LDB2: variants seen among roughly 807,000 people sequenced by gnomAD.
The protein encoded by LDB2 is LIM domain binding 2, also known as LIM domain-binding protein 2.
A neutral mutation model predicts 44.3 loss-of-function variants in LDB2; 12 were observed. The ratio of observed to expected loss-of-function variants is 0.27; its 90% CI spans 0.17 to 0.44. The LOEUF (loss-of-function observed/expected upper bound fraction) is 0.44, where lower values mean the gene tolerates loss of function less well. LDB2 is among the 20% of genes least tolerant of loss of function. LDB2 has a pLI of 1.00. For synonymous variants in LDB2, 164 were observed against 174.8 expected, an observed-to-expected ratio of 0.94 and a Z score of 0.49; for missense variants, 344 against 473.5, an observed-to-expected ratio of 0.73 and a Z score of 2.54.
chr4:16,638,328 T>C (rs967782096), intron 2 of LDB2, among the ~76,000 whole-genome samples: 1 of 152,212 alleles, frequency 6.6e-6, no homozygotes, highest in Non-Finnish European at 1.5e-5. Flanking sequence ...CTGTAACTGA[T>C]GCATGTTTCT....
At chr4:16,723,358 G>A (rs973555406) in intron 2 of LDB2, among the ~76,000 whole-genome samples, 4 of 152,154 alleles carry the variant, frequency 2.6e-5, no homozygotes, top group Non-Finnish European at 4.4e-5. Context: ...AGAGGGACAG[G>A]AGAGCAAGTG....
intron 2 of LDB2, among the ~76,000 whole-genome samples, chr4:16,700,956 G>A (rs908846981): frequency 6.6e-6 from 1 of 152,142 alleles, no homozygotes; most frequent in Non-Finnish European, 1.5e-5. Flanking sequence ...CATTGAGTGT[G>A]TGTTTTACAT....
At chr4:16,822,104 G>A (rs1027479679) in intron 1 of LDB2, among the ~76,000 whole-genome samples, 2 of 128,720 alleles carry the variant, frequency 1.6e-5, no homozygotes, top group African/African-American at 5.5e-5. Context: ...AGGCTTACTA[G>A]GATTGTTAAA....
At chr4:16,822,286 A>T (rs1223639020) in intron 1 of LDB2, among the ~76,000 whole-genome samples, 1 of 152,158 alleles carries the variant, frequency 6.6e-6, no homozygotes, top group Non-Finnish European at 1.5e-5. Flanking sequence ...ACCATTGGTT[A>T]AAGCAGAGAT....
chr4:16,804,712 T>G (rs930483555), intron 1 of LDB2, among the ~76,000 whole-genome samples: 3 of 152,194 alleles, frequency 2.0e-5, no homozygotes, highest in Non-Finnish European at 4.4e-5. Context: ...CTACTCAGCT[T>G]GAGGCAACTG....
At chr4:16,748,215 G>T (rs1001412992) in intron 2 of LDB2, among the ~76,000 whole-genome samples, 2 of 152,080 alleles carry the variant, frequency 1.3e-5, no homozygotes, top group Non-Finnish European at 2.9e-5. Context: ...AAGTTCTCCT[G>T]ACTTGTTGAA....
At chr4:16,620,794 A>G (rs1325193752) in intron 2 of LDB2, among the ~76,000 whole-genome samples, 1 of 152,222 alleles carries the variant, frequency 6.6e-6, no homozygotes, top group East Asian at 1.9e-4. Flanking sequence ...AGTGCTGGTG[A>G]CTGGGTGGGT....
chr4:16,551,426 T>C (rs1209810297), intron 5 of LDB2, among the ~76,000 whole-genome samples: 1 of 152,240 alleles, frequency 6.6e-6, no homozygotes, highest in East Asian at 1.9e-4. Context: ...TAAATTTCTT[T>C]AGTATGTAAC....
chr4:16,530,878 T>C (rs1422368876), intron 5 of LDB2, among the ~76,000 whole-genome samples: 1 of 152,234 alleles, frequency 6.6e-6, no homozygotes, highest in African/African-American at 2.4e-5. Flanking sequence ...TGGGTAATTT[T>C]ATCCTCATTT....
chr4:16,788,248 C>T (rs1224745255), intron 1 of LDB2, among the ~76,000 whole-genome samples: 1 of 152,234 alleles, frequency 6.6e-6, no homozygotes, highest in East Asian at 1.9e-4. Flanking sequence ...AGCCTCCGCT[C>T]TCCACAGGGC....
At chr4:16,736,200 A>T (rs971819853) in intron 2 of LDB2, among the ~76,000 whole-genome samples, 1 of 152,178 alleles carries the variant, frequency 6.6e-6, no homozygotes, top group African/African-American at 2.4e-5. Context: ...GATCACAGGC[A>T]CATGTACCCT....
chr4:16,567,938 T>G (rs1468606237), intron 5 of LDB2, among the ~76,000 whole-genome samples: 27 of 152,346 alleles, frequency 1.8e-4, no homozygotes, highest in Admixed American at 1.8e-3. Context: ...AATAAATGGC[T>G]GTTATATTCA....
At chr4:16,547,851 G>T (rs527300605) in intron 5 of LDB2, among the ~76,000 whole-genome samples, 2 of 152,126 alleles carry the variant, frequency 1.3e-5, no homozygotes, top group East Asian at 3.9e-4. Flanking sequence ...CTCACAAAGG[G>T]CTGAGAATAC....
chr4:16,571,084 G>A (rs1746369365), intron 5 of LDB2, among the ~76,000 whole-genome samples: 1 of 152,190 alleles, frequency 6.6e-6, no homozygotes, highest in Admixed American at 6.5e-5. Context: ...GAGCACTGGA[G>A]CTTCAAGGAG....
At chr4:16,837,795 A>T (rs937243754) in intron 1 of LDB2, among the ~76,000 whole-genome samples, 1 of 152,242 alleles carries the variant, frequency 6.6e-6, no homozygotes, top group Non-Finnish European at 1.5e-5. Flanking sequence ...CAGTACTACA[A>T]ACAAATAAAA....
chr4:16,871,769 CA>C (rs1716688293), intron 1 of LDB2, among the ~76,000 whole-genome samples: 1 of 125,882 alleles, frequency 7.9e-6, no homozygotes, highest in Non-Finnish European at 1.5e-5. Flanking sequence ...CACAGGCGCC[CA>C]CCACCACGCC....
At chr4:16,579,181 T>C (rs1402565382) in intron 5 of LDB2, among the ~76,000 whole-genome samples, 1 of 152,200 alleles carries the variant, frequency 6.6e-6, no homozygotes, top group African/African-American at 2.4e-5. Flanking sequence ...TAAAAGAATA[T>C]GGATTGTTTG....
intron 1 of LDB2, among the ~76,000 whole-genome samples, chr4:16,825,451 C>T (rs1475701306): frequency 6.6e-6 from 1 of 152,182 alleles, no homozygotes; most frequent in African/African-American, 2.4e-5. Context: ...CTATTGGCCA[C>T]ATCCAGTCTG....
At chr4:16,802,959 A>C (rs75277349) in intron 1 of LDB2, among the ~76,000 whole-genome samples, 2,965 of 152,270 alleles carry the variant, frequency 0.019, 100 homozygotes, top group East Asian at 0.15. Context: ...CAGGACATTC[A>C]GGGGGCTGTC....
Sources: allele counts gnomAD v4.1 joint callset (sites outside exome capture counted in the v4.1 genomes callset), GRCh38; gene constraint gnomAD v4.1.1; transcripts MANE v1.5; gene names NCBI Gene and HGNC (gene_info 2026-07-23, HGNC 2026-07-21).